HGD: variants seen among roughly 807,000 people sequenced by gnomAD.
HGD encodes homogentisate oxidase.
In HGD, 61 loss-of-function variants were observed where a neutral mutation model predicts 60.8. That is an observed-to-expected ratio of 1.00 (90% CI 0.82 to 1.24). HGD has a LOEUF of 1.24. Among genes scored for constraint, HGD ranks in the 50% most tolerant of loss-of-function variants. The probability of loss-of-function intolerance (pLI) is 0.00; values close to 1 mark genes in which losing one functional copy is unlikely to be tolerated. For synonymous variants in HGD, 212 were observed against 187.7 expected (o/e 1.13, Z -1.06); for missense variants, 542 against 547.1 (o/e 0.99, Z 0.09).
chr3:120,667,947 C>T (rs1024474481), intron 4 of HGD, among the ~76,000 whole-genome samples: 1 of 152,018 alleles, frequency 6.6e-6, no homozygotes, highest in African/African-American at 2.4e-5. Flanking sequence ...AGTCAGGGTC[C>T]CCAGGTTGGT....
intron 13 of HGD, among the ~76,000 whole-genome samples, chr3:120,631,006 C>A (rs1940577666): frequency 6.6e-6 from 1 of 151,680 alleles, no homozygotes. Context: ...TATGTTCTCA[C>A]TTCTAAATGG....
At chr3:120,659,945 G>A (rs558946823) in intron 4 of HGD, among the ~76,000 whole-genome samples, 2 of 151,762 alleles carry the variant, frequency 1.3e-5, no homozygotes, top group African/African-American at 4.8e-5. Flanking sequence ...AGAGAGAGTG[G>A]GGGGTGGTTG....
At chr3:120,654,710 T>C (rs1441369171) in intron 4 of HGD, among the ~76,000 whole-genome samples, 1 of 152,236 alleles carries the variant, frequency 6.6e-6, no homozygotes, top group Non-Finnish European at 1.5e-5. Flanking sequence ...GAAATCCCAG[T>C]AGCAGGGGAT....
chr3:120,646,434 G>A (rs1399289316), intron 8 of HGD, 68 bp from the exon 9 acceptor site: 38 of 981,406 alleles, frequency 3.9e-5, no homozygotes, highest in Non-Finnish European at 6.3e-5. Context: ...AAGCTGCCCA[G>A]AGCCATAGCC....
chr3:120,666,056 T>C (rs1212797470), intron 4 of HGD, among the ~76,000 whole-genome samples: 2 of 152,074 alleles, frequency 1.3e-5, no homozygotes, highest in Non-Finnish European at 2.9e-5. Context: ...AAAGAAGGTG[T>C]AAAAGAAAAG....
chr3:120,655,113 A>G (rs1941455990), intron 4 of HGD, among the ~76,000 whole-genome samples: 1 of 151,988 alleles, frequency 6.6e-6, no homozygotes. Flanking sequence ...AAACAAACAA[A>G]CAAACAAAAA....
At chr3:120,669,546 A>C (rs1180210532) in intron 4 of HGD, among the ~76,000 whole-genome samples, 1 of 152,076 alleles carries the variant, frequency 6.6e-6, no homozygotes, top group Non-Finnish European at 1.5e-5. Context: ...AGTTCTGCCT[A>C]AAGGTTTCTC....
Position 120,670,460 on chromosome 3 carries a change from G to T in HGD, c.249C>A (p.His83Gln). The change falls in exon 4 of 14, where the codon CAC (histidine) becomes CAA (glutamine). Residue 83 changes from histidine to glutamine, a missense_variant. Physicochemically the swap from His to Gln is conservative, Grantham distance 24. This residue lies in a region of HGD where 537 missense variants were observed against 529.1 expected (regional missense o/e 1.01). Coordinates refer to ENST00000283871, the MANE Select transcript of HGD (RefSeq NM_000187.4). ...GATCAGGATCAACTTCATCCCAGTT[G>T]TGAGTGACTTGGCCTTCGTCAATGG... ...FESIDEGQVT[H>Q]NWDEVDPDPN... is the part of the protein sequence containing the mutation. 1 of 1,606,770 alleles carries T rather than the reference G, an allele frequency of 6.2e-7. No individual in the cohort carries two copies. The highest frequency in any genetic ancestry group is 2.2e-5 in the East Asian group (1 of 44,848).
At position 120,638,474 on chromosome 3, in the gene HGD, G is replaced by A; in HGVS notation, c.987C>T (p.Phe329=). 1 of 1,613,956 alleles carries A rather than the reference G, an allele frequency of 6.2e-7. No homozygotes were observed. The highest frequency in any genetic ancestry group is 8.5e-7 in the Non-Finnish European group (1 of 1,179,924). ...ACTTACTATGGTAATAAGGAGGCCT[G>A]AAGGTCTTATCAGCAACCCCCCATC... ...PPRWGVADKT[F]RPPYYHRNCM... Residue 329 remains phenylalanine, a synonymous_variant, in exon 12 of 14, where the codon TTC becomes TTT. Transcript: ENST00000283871.
chr3:120,652,559 G>C, intron 5 of HGD, 33 bp downstream of exon 5: 1 of 1,498,790 alleles, frequency 6.7e-7, no homozygotes, highest in Non-Finnish European at 9.3e-7. Flanking sequence ...AGAGAGGAGA[G>C]CAGTAGGGAG....
Position 120,667,326 on chromosome 3 carries a change from C to CAAA in HGD, c.282+3098_282+3100dup, listed in dbSNP as rs71133514. On this transcript the variant is annotated intron_variant, in intron 4 of 13. Coordinates refer to ENST00000283871, the MANE Select transcript of HGD (RefSeq NM_000187.4). Reference sequence around the variant, plus strand: ...GAGCAACAGGGTGAGACTCTTGTCTCAAAAAAAAAAAAAAAAAAAAAAAAA... The same window carrying CAAA: ...GAGCAACAGGGTGAGACTCTTGTCTCAAAAAAAAAAAAAAAAAAAAAAAAAAAA... Among the ~76,000 whole-genome samples, 226 of 59,948 alleles carry CAAA rather than the reference C, an allele frequency of 3.8e-3. 4 individuals are homozygous for CAAA. Among genetic ancestry groups the CAAA allele is most frequent in the African/African-American group, 0.01 (142 of 14,136 alleles). 39.3% of individuals were successfully genotyped at this position (59,948 alleles called of 152,430 possible). A position where few individuals can be genotyped will look rare whatever the true frequency, so the allele number is the denominator to read the frequency against.
In HGD at chr3:120,674,923, G is replaced by A. The variant is rs1289424647; in HGVS notation, c.154C>T (p.Pro52Ser). 1 of 1,610,358 alleles carries A rather than the reference G, an allele frequency of 6.2e-7. No individual in the cohort carries two copies. The highest frequency in any genetic ancestry group is 2.2e-5 in the East Asian group (1 of 44,874). Residue 52 changes from proline (P) to serine (S), a missense_variant, in exon 3 of 14, where the codon CCA (proline) becomes TCA (serine). Physicochemically the swap from Pro to Ser is moderately conservative, Grantham distance 74. Coordinates refer to ENST00000283871, the MANE Select transcript of HGD (RefSeq NM_000187.4). The part of the protein sequence containing the change: ...EQLSGSAFTC[P>S]RSTNKRSWLY... ...TACCTTCTCTTATTGGTGCTCCGTG[G>A]ACAAGTGAAAGCCGATCCTGAGAGC...
At chr3:120,630,798 TTATATATATATA>T (rs61375071) in intron 13 of HGD, among the ~76,000 whole-genome samples, 4 of 88,006 alleles carry the variant, frequency 4.5e-5, no homozygotes, top group South Asian at 3.5e-4. Flanking sequence ...CTTAAGAGCT[TTATATATATATA>T]TATATATATA....
intron 10 of HGD, among the ~76,000 whole-genome samples, chr3:120,643,015 T>C (rs1158698124): frequency 2.6e-5 from 4 of 152,222 alleles, no homozygotes; most frequent in Admixed American, 2.6e-4. Flanking sequence ...TGTGGTTCTT[T>C]AACAATTGTA....
At chr3:120,636,550 T>C (rs1559783351) in intron 12 of HGD, among the ~76,000 whole-genome samples, 1 of 152,094 alleles carries the variant, frequency 6.6e-6, no homozygotes. Flanking sequence ...CCAGGGCAAT[T>C]TTCTCTCCTT....
rs1708094813 is a variant in HGD at position 120,674,943 on chromosome 3, G to A, written c.134C>T (p.Ser45Leu). ...CCGTGGACAAGTGAAAGCCGATCCT[G>A]AGAGCTGCTCAGCATAGAGATTGTA... ...CPYNLYAEQL[S>L]GSAFTCPRST... The change falls in exon 3 of 14, where the codon TCA (serine) becomes TTA (leucine). Residue 45 changes from serine to leucine, a missense_variant. Physicochemically the swap from Ser to Leu is moderately radical, Grantham distance 145. Transcript: ENST00000283871. The A allele has an allele frequency of 1.9e-6, 3 of 1,612,144 alleles. No homozygotes were observed. The East Asian group carries it at 6.7e-5, about 36-fold the overall frequency.
chr3:120,658,538 C>A (rs951427300), intron 4 of HGD, among the ~76,000 whole-genome samples: 13 of 152,172 alleles, frequency 8.5e-5, no homozygotes, highest in Non-Finnish European at 1.8e-4. Flanking sequence ...CCATTGAGTG[C>A]CTGTGGCTTT....
chr3:120,658,720 C>T (rs887051728), intron 4 of HGD, among the ~76,000 whole-genome samples: 14 of 152,226 alleles, frequency 9.2e-5, no homozygotes, highest in East Asian at 1.9e-4. Context: ...GTGAGCACTC[C>T]GCCCCTGCAG....
intron 4 of HGD, among the ~76,000 whole-genome samples, chr3:120,669,631 C>T (rs146910907): frequency 3.5e-4 from 54 of 152,310 alleles, no homozygotes; most frequent in African/African-American, 1.2e-3. Context: ...ACTATTAAAA[C>T]TGTGTTCAAG....
Sources: allele counts gnomAD v4.1 joint callset (sites outside exome capture counted in the v4.1 genomes callset), GRCh38; gene constraint gnomAD v4.1.1; regional missense constraint gnomAD v4.1.1; transcripts MANE v1.5; gene names NCBI Gene and HGNC (gene_info 2026-07-23, HGNC 2026-07-21).